Variants in SRCIN1 observed in about 807,000 individuals in gnomAD.
SRCIN1 encodes SRC kinase signaling inhibitor 1.
In SRCIN1, 50 loss-of-function variants were observed where a neutral mutation model predicts 116.2. The observed-to-expected ratio is 0.43, with a 90% CI of 0.34 to 0.54. SRCIN1 has a LOEUF of 0.54. Among genes scored for constraint, SRCIN1 ranks in the 20% least tolerant of loss-of-function variants. The probability of loss-of-function intolerance (pLI) is 0.02; values close to 1 mark genes in which losing one functional copy is unlikely to be tolerated. For missense variants in SRCIN1, 1,446 were observed against 1,672.0 expected (o/e 0.86, Z 2.36); for synonymous variants, 736 against 750.0 (o/e 0.98, Z 0.30).
Position 38,564,115 on chromosome 17 carries a change from T to C in SRCIN1, c.541+3A>G, listed in dbSNP as rs1410185747. 6.3e-7 allele frequency: 1 copy of C among 1,595,086 alleles called. No homozygotes were observed. The highest frequency in any genetic ancestry group is 8.5e-7 in the Non-Finnish European group (1 of 1,172,036). ...GAGGGAGGGTGGACTGGGCGGGCAG[T>C]ACCTGGGGAGCGCAGCTTGGTCTGG... On this transcript the variant is annotated splice_donor_region_variant and intron_variant, in intron 4 of 18. Coordinates refer to ENST00000617146, the MANE Select transcript of SRCIN1 (RefSeq NM_025248.3).
intron 3 of SRCIN1, among the ~76,000 whole-genome samples, chr17:38,566,554 T>C (rs1906698049): frequency 6.6e-6 from 1 of 152,206 alleles, no homozygotes; most frequent in Admixed American, 6.5e-5. Flanking sequence ...CACCAGAGTG[T>C]TCCAGGGAGC....
In SRCIN1 at chr17:38,568,885, T is replaced by C. The variant is rs1280515068; in HGVS notation, c.325-654A>G. ...GAATGGAGCAGAGTGGGATCAGAAC[T>C]AGACCCCGGGGCAGAGGTGGATGGG... On this transcript the variant is annotated intron_variant, in intron 2 of 18. Coordinates refer to ENST00000617146, the MANE Select transcript of SRCIN1 (RefSeq NM_025248.3). This position sits in a 1 kb window ranked among gnomAD's most constrained non-coding sequence, Gnocchi z 4.5. Among the ~76,000 whole-genome samples, 1 of 144,172 alleles carries C rather than the reference T, an allele frequency of 6.9e-6. No homozygotes were observed. The highest frequency in any genetic ancestry group is 2.1e-4 in the East Asian group (1 of 4,872). The allele number at this position is 144,172 out of a possible 152,430, so 94.6% of individuals were successfully genotyped here.
At chr17:38,539,301 G>A (rs1448989988) in intron 18 of SRCIN1, among the ~76,000 whole-genome samples, 2 of 152,168 alleles carry the variant, frequency 1.3e-5, no homozygotes, top group Non-Finnish European at 2.9e-5. Flanking sequence ...TGTTGCCCAG[G>A]CTGGTCTCGA....
At chr17:38,582,209 CCT>C (rs1472252277) in intron 1 of SRCIN1, among the ~76,000 whole-genome samples, 1 of 152,218 alleles carries the variant, frequency 6.6e-6, no homozygotes, top group Non-Finnish European at 1.5e-5. Flanking sequence ...CTCCTCATCC[CCT>C]CTCTTACCCC....
At chr17:38,605,587 C>T in intron 1 of SRCIN1, 97 bp downstream of exon 1, 15 of 1,044,820 alleles carry the variant, frequency 1.4e-5, no homozygotes, top group Non-Finnish European at 1.9e-5. Flanking sequence ...GGCCGCCGCC[C>T]CCGCCCCCGG....
At chr17:38,583,535 T>C (rs1230372194) in intron 1 of SRCIN1, among the ~76,000 whole-genome samples, 1 of 149,992 alleles carries the variant, frequency 6.7e-6, no homozygotes, top group Non-Finnish European at 1.5e-5. Context: ...TTGTTTTCTT[T>C]TTTTCATTTT....
rs1905480719 is a variant in SRCIN1, at chr17:38,552,353, C to T, written c.2480+94G>A. ...CCAGTCCAGTCGGCACGCCAGTGAC[C>T]TTTGGGGGAGTTGGGGTAAGGGTTC... On this transcript the variant is annotated intron_variant, in intron 13 of 18. Transcript: ENST00000617146. This position sits in a 1 kb window ranked among gnomAD's most constrained non-coding sequence, Gnocchi z 5.3. 1 of 1,490,222 alleles carries T rather than the reference C, an allele frequency of 6.7e-7. No homozygotes were observed. The highest frequency in any genetic ancestry group is 8.9e-7 in the Non-Finnish European group (1 of 1,119,726). The allele number at this position is 1,490,222 out of a possible 1,614,324, so 92.3% of individuals were successfully genotyped here. A position where few individuals can be genotyped will look rare whatever the true frequency, so the allele number is the denominator to read the frequency against.
rs1316938274 is a variant in SRCIN1 at position 38,559,801 on chromosome 17, G to T, written c.1838-29C>A. 1.9e-5 allele frequency: 28 copies of T among 1,475,426 alleles called. No homozygotes were observed. In the East Asian group the frequency reaches 6.9e-4, roughly 36 times the overall value. The allele number at this position is 1,475,426 out of a possible 1,614,324, so 91.4% of individuals were successfully genotyped here. A position where few individuals can be genotyped will look rare whatever the true frequency, so the allele number is the denominator to read the frequency against. ...CAGAGGACCACGAGGATGGGAGAAA[G>T]TGAACAAACTGTGAGCCTGGGAAGG... is the stretch of plus-strand genomic sequence containing the variant. On this transcript the variant is annotated intron_variant, in intron 9 of 18. Transcript: ENST00000617146.
intron 11 of SRCIN1, among the ~76,000 whole-genome samples, chr17:38,555,369 G>C (rs940652035): frequency 6.6e-6 from 1 of 152,142 alleles, no homozygotes; most frequent in African/African-American, 2.4e-5. Flanking sequence ...AACTCTCTGG[G>C]TGATCTTGGA....
chr17:38,604,625 C>T lies in SRCIN1; in HGVS notation c.22+1059G>A, dbSNP rs62077547. On this transcript the variant is annotated intron_variant, in intron 1 of 18. Coordinates refer to ENST00000617146, the MANE Select transcript of SRCIN1 (RefSeq NM_025248.3). This position sits in a 1 kb window ranked among gnomAD's most constrained non-coding sequence, Gnocchi z 4.3. The stretch of plus-strand genomic sequence containing the variant: ...CATGGGGACGCGTGGGGCTGGGGGA[C>T]GAGCACCAGCAGCCGCACACGCCCC... 0.12 allele frequency: 52,338 copies of T among 424,832 alleles called. 4,813 individuals are homozygous for T. Among genetic ancestry groups the T allele is most frequent in the East Asian group, 0.53 (6,614 of 12,562 alleles). 26.3% of individuals were successfully genotyped at this position (424,832 alleles called of 1,614,324 possible). A position where few individuals can be genotyped will look rare whatever the true frequency, so the allele number is the denominator to read the frequency against.
chr17:38,593,620 A>G (rs1477227349), intron 1 of SRCIN1, among the ~76,000 whole-genome samples: 3 of 152,186 alleles, frequency 2.0e-5, no homozygotes, highest in African/African-American at 4.8e-5. Flanking sequence ...GAAATGAACT[A>G]ACACTTGTAC....
intron 7 of SRCIN1, among the ~76,000 whole-genome samples, chr17:38,560,640 C>T (rs1490153882): frequency 6.6e-6 from 1 of 152,214 alleles, no homozygotes; most frequent in Non-Finnish European, 1.5e-5. Flanking sequence ...GCTGATCTCT[C>T]CATGCCTGGC....
rs62077547 is a variant in SRCIN1, at chr17:38,604,625, C to G, written c.22+1059G>C. On this transcript the variant is annotated intron_variant, in intron 1 of 18. Coordinates refer to ENST00000617146, the MANE Select transcript of SRCIN1 (RefSeq NM_025248.3). The surrounding 1 kb of genome is among the most constrained non-coding windows in gnomAD (Gnocchi z 4.3). ...CATGGGGACGCGTGGGGCTGGGGGA[C>G]GAGCACCAGCAGCCGCACACGCCCC... is the stretch of plus-strand genomic sequence containing the variant. The G allele has an allele frequency of 9.4e-6, 4 of 425,048 alleles. No homozygotes were observed. Among genetic ancestry groups the G allele is most frequent in the South Asian group, 6.6e-5 (4 of 60,794 alleles). The allele number at this position is 425,048 out of a possible 1,614,324, so 26.3% of individuals were successfully genotyped here.
At position 38,561,987 on chromosome 17, in the gene SRCIN1, G is replaced by A; in HGVS notation, c.1176C>T (p.Gly392=). The part of the protein sequence containing the change: ...SKAGGMVLVK[G]EGLYADPYGL... ...CGTAGGGGTCAGCATAGAGGCCCTC[G>A]CCTTTCACCAGCACCATGCCGCCCG... The change falls in exon 7 of 19, where the codon GGC becomes GGT. Residue 392 remains glycine (G), a synonymous_variant. Transcript: ENST00000617146. 2 of 1,492,812 alleles carry A rather than the reference G, an allele frequency of 1.3e-6. No individual in the cohort carries two copies. Among genetic ancestry groups the A allele is most frequent in the Non-Finnish European group, 8.9e-7 (1 of 1,129,450 alleles). 92.5% of individuals were successfully genotyped at this position (1,492,812 alleles called of 1,614,324 possible).
chr17:38,540,412 A>ACCCCCG (rs1904656977), intron 18 of SRCIN1, among the ~76,000 whole-genome samples: 1 of 49,276 alleles, frequency 2.0e-5, no homozygotes, highest in South Asian at 7.2e-4. Flanking sequence ...CCCAATCCCC[A>ACCCCCG]CCCCCGCCGG....
In SRCIN1 at chr17:38,533,031, A is replaced by T. The variant is rs887346266; in HGVS notation, c.*266T>A. ...GCCAGCGAGAGGCCAGCTGGGATCAAGGAAGGTGGTGTGTTTGGTTTTTAG... is the reference window on the plus strand; with the variant it reads ...GCCAGCGAGAGGCCAGCTGGGATCATGGAAGGTGGTGTGTTTGGTTTTTAG... On this transcript the variant is annotated 3_prime_UTR_variant, in exon 19 of 19. Coordinates refer to ENST00000617146, the MANE Select transcript of SRCIN1 (RefSeq NM_025248.3). The T allele has an allele frequency of 7.2e-6, 2 of 279,258 alleles. No individual in the cohort carries two copies. Among genetic ancestry groups the T allele is most frequent in the African/African-American group, 2.2e-5 (1 of 45,144 alleles). The allele number at this position is 279,258 out of a possible 1,614,324, so 17.3% of individuals were successfully genotyped here.
rs747042333 is a variant in SRCIN1, at chr17:38,551,389, C to A, written c.2728G>T (p.Ala910Ser). The change falls in exon 15 of 19, where the codon GCT (alanine) becomes TCT (serine). Residue 910 changes from alanine (A) to serine (S), a missense_variant and splice_region_variant. Coordinates refer to ENST00000617146, the MANE Select transcript of SRCIN1 (RefSeq NM_025248.3). ...RSVDKAVSVE[A>S]AERDWEEKRA... ...TTCTCCTCCCAGTCTCGCTCTGCAG[C>A]CTTAACAGGGAGCCAGGAGTCAGGA... The A allele has an allele frequency of 2.5e-6, 4 of 1,603,178 alleles. No homozygotes were observed. Among genetic ancestry groups the A allele is most frequent in the Non-Finnish European group, 3.4e-6 (4 of 1,173,940 alleles).
chr17:38,543,655 G>A (rs1174645808), intron 18 of SRCIN1, among the ~76,000 whole-genome samples, 168 bp downstream of exon 18: 1 of 152,208 alleles, frequency 6.6e-6, no homozygotes, highest in Non-Finnish European at 1.5e-5. Context: ...GGAGGAGGAG[G>A]GAGAAGACGG....
chr17:38,551,154 C>T lies in SRCIN1; in HGVS notation c.2962+1G>A. The T allele has an allele frequency of 1.3e-6, 2 of 1,500,476 alleles. No individual in the cohort carries two copies. Among genetic ancestry groups the T allele is most frequent in the Non-Finnish European group, 9.1e-7 (1 of 1,100,586 alleles). 92.9% of individuals were successfully genotyped at this position (1,500,476 alleles called of 1,614,324 possible). ...CTTACCAGCCCTACTACTCCCCATA[C>T]CTGAGCCCCTCCTCCCACTGGGCTC... is the stretch of plus-strand genomic sequence containing the variant. On this transcript the variant is annotated splice_donor_variant, in intron 15 of 18. Transcript: ENST00000617146. LOFTEE classifies it high-confidence loss of function.
Sources: gnomAD v4.1 joint callset for allele counts (sites outside exome capture counted in the v4.1 genomes callset) on GRCh38, gnomAD v4.1.1 for gene constraint, Gnocchi (gnomAD v3.1) non-coding constraint, MANE v1.5 for transcripts, NCBI Gene and HGNC (gene_info 2026-07-23, HGNC 2026-07-21) for gene names.